The following KLC1 variants were observed in gnomAD, a reference collection of about 807,000 sequenced individuals.
KLC1 encodes kinesin light chain 1.
KLC1 carries 30 observed loss-of-function variants against 84.2 expected under a neutral mutation model. The ratio of observed to expected loss-of-function variants is 0.36; its 90% confidence interval spans 0.27 to 0.48. The LOEUF is 0.48. KLC1 is among the 20% of genes least tolerant of loss of function. The probability of loss-of-function intolerance (pLI) is 0.99; values close to 1 mark genes in which losing one functional copy is unlikely to be tolerated. For missense variants in KLC1, 499 were observed against 805.4 expected, an observed-to-expected ratio of 0.62 and a Z score of 4.60; for synonymous variants, 289 against 293.3, an observed-to-expected ratio of 0.99 and a Z score of 0.15.
intron 2 of KLC1, among the ~76,000 whole-genome samples, chr14:103,655,653 G>A (rs1217348167): frequency 6.6e-6 from 1 of 151,628 alleles, no homozygotes; most frequent in African/African-American, 2.4e-5. Flanking sequence ...TCGCCGCCCA[G>A]GCTGGAGTGC....
At chr14:103,636,661 G>C (rs913387715) in intron 1 of KLC1, among the ~76,000 whole-genome samples, 26 of 152,114 alleles carry the variant, frequency 1.7e-4, no homozygotes, top group Admixed American at 7.9e-4. Flanking sequence ...TAAAGTGTCT[G>C]TTCAAGACTT....
intron 1 of KLC1, among the ~76,000 whole-genome samples, chr14:103,638,828 A>G (rs1449306151): frequency 2.0e-5 from 3 of 151,270 alleles, no homozygotes; most frequent in South Asian, 2.1e-4. Flanking sequence ...GTGTGTATGT[A>G]TGAACATAGG....
At chr14:103,633,967 C>T (rs2076873210) in intron 1 of KLC1, among the ~76,000 whole-genome samples, 1 of 152,144 alleles carries the variant, frequency 6.6e-6, no homozygotes, top group Non-Finnish European at 1.5e-5. Context: ...CTCCCGGGTT[C>T]AAGCCATTCT....
At chr14:103,631,835 G>A (rs2076711308) in intron 1 of KLC1, among the ~76,000 whole-genome samples, 1 of 151,982 alleles carries the variant, frequency 6.6e-6, no homozygotes, top group Non-Finnish European at 1.5e-5. Context: ...CTGACCTCAG[G>A]CGATCCACCC....
chr14:103,631,873 A>G (rs773333849), intron 1 of KLC1, among the ~76,000 whole-genome samples: 1 of 152,076 alleles, frequency 6.6e-6, no homozygotes, highest in Non-Finnish European at 1.5e-5. Context: ...TGCTAGGGTT[A>G]CAGGTGTGAG....
chr14:103,695,864 C>T (rs2082429992), intron 15 of KLC1: 5 of 985,208 alleles, frequency 5.1e-6, no homozygotes, highest in Admixed American at 6.2e-5. Context: ...CAGAGGGAGG[C>T]GGCAAGGGAA....
In KLC1 at chr14:103,694,025, A is replaced by G. The variant is rs1290157540; in HGVS notation, c.1848+1600A>G. On this transcript the variant is annotated intron_variant, in intron 15 of 16. Coordinates refer to ENST00000334553, the MANE Select transcript of KLC1 (RefSeq NM_001394837.1). The surrounding 1 kb of genome is among the most constrained non-coding windows in gnomAD (Gnocchi z 4.5). ...CTGTAAATTAAGAATCTGGAAACAT[A>G]AAGTACCCCTTTCAGAACGATAGGC... 5 of 1,016,824 alleles carry G rather than the reference A, an allele frequency of 4.9e-6. No individual in the cohort carries two copies. The highest frequency in any genetic ancestry group is 4.7e-6 in the Non-Finnish European group (4 of 849,628). 63.0% of individuals were successfully genotyped at this position (1,016,824 alleles called of 1,614,324 possible). A position where few individuals can be genotyped will look rare whatever the true frequency, so the allele number is the denominator to read the frequency against.
chr14:103,699,123 C>G (rs538640569), intron 15 of KLC1: 2 of 1,572,830 alleles, frequency 1.3e-6, no homozygotes, highest in African/African-American at 2.7e-5. Context: ...CACCACATGG[C>G]TGCACTCACC....
chr14:103,633,159 G>A (rs2076810573), intron 1 of KLC1, among the ~76,000 whole-genome samples: 1 of 151,882 alleles, frequency 6.6e-6, no homozygotes, highest in Non-Finnish European at 1.5e-5. Context: ...CCAGGTTCAA[G>A]TGATTCTCCT....
chr14:103,671,312 A>G (rs533833168), intron 7 of KLC1, among the ~76,000 whole-genome samples: 6 of 152,104 alleles, frequency 3.9e-5, no homozygotes, highest in Non-Finnish European at 8.8e-5. Flanking sequence ...GTGTATGACA[A>G]TCTCTTTAGA....
rs1422824608 is a variant in KLC1, at chr14:103,675,680, A to C, written c.1312-9A>C. On this transcript the variant is annotated splice_polypyrimidine_tract_variant and intron_variant, in intron 10 of 16. Transcript: ENST00000334553. ...AATTATTCATTTGAAATTATTTCTT[A>C]TAATTTAGGGAAAGCAAAAGGATGG... 2 of 1,612,396 alleles carry C rather than the reference A, an allele frequency of 1.2e-6. No individual in the cohort carries two copies. The highest frequency in any genetic ancestry group is 2.2e-5 in the South Asian group (2 of 90,886).
At chr14:103,698,904 G>C (rs1360602468) in intron 15 of KLC1, 1 of 1,602,020 alleles carries the variant, frequency 6.2e-7, no homozygotes, top group African/African-American at 1.3e-5. Flanking sequence ...CAGGGTCCGG[G>C]CTGGGCAGCC....
intron 1 of KLC1, among the ~76,000 whole-genome samples, chr14:103,647,664 T>G (rs2151422867): frequency 6.6e-6 from 1 of 151,730 alleles, no homozygotes; most frequent in African/African-American, 2.4e-5. Context: ...GATCCCAAGG[T>G]CAAGAGATCA....
rs3742461 is a variant in KLC1 at position 103,629,348 on chromosome 14, T to C, written c.-148T>C. On this transcript the variant is annotated 5_prime_UTR_variant, in exon 1 of 17. Transcript: ENST00000334553. ...GGTGGCCGAGGATGCTGCGGGGCGG[T>C]AGCTCCGGCGCCCCTAGCTGGTGAC... 2,614 of 152,362 alleles carry C rather than the reference T, an allele frequency of 0.017. 69 individuals carry two copies. Among genetic ancestry groups the C allele is most frequent in the African/African-American group, 0.056 (2,310 of 41,496 alleles). The allele number at this position is 152,362 out of a possible 1,614,324, so 9.4% of individuals were successfully genotyped here.
At chr14:103,675,806 G>T in intron 11 of KLC1, 50 bp downstream of exon 11, 1 of 1,487,262 alleles carries the variant, frequency 6.7e-7, no homozygotes. Flanking sequence ...CAGGGGGAAG[G>T]TAATTGTGTT....
chr14:103,673,808 A>G (rs938585558), intron 9 of KLC1, among the ~76,000 whole-genome samples: 7 of 152,114 alleles, frequency 4.6e-5, no homozygotes, highest in Admixed American at 4.6e-4. Context: ...CTGTAGTCCC[A>G]GCTACTCGGG....
intron 13 of KLC1, chr14:103,682,764 A>G (rs1475832044): frequency 6.7e-6 from 1 of 149,372 alleles, no homozygotes; most frequent in African/African-American, 2.5e-5. Flanking sequence ...ATATATATAT[A>G]TGTATATGTA....
intron 1 of KLC1, among the ~76,000 whole-genome samples, chr14:103,649,721 A>T (rs1173063321): frequency 6.8e-6 from 1 of 148,030 alleles, no homozygotes; most frequent in Non-Finnish European, 1.5e-5. Flanking sequence ...TTCGAGACGG[A>T]GTCTCGCTCT....
intron 14 of KLC1, among the ~76,000 whole-genome samples, chr14:103,691,501 C>T (rs1290719175): frequency 8.3e-6 from 1 of 120,134 alleles, no homozygotes; most frequent in Non-Finnish European, 1.6e-5. Context: ...GGTGGAGTCT[C>T]ACTCTTGCGT....
Sources: gnomAD v4.1 joint callset for allele counts (sites outside exome capture counted in the v4.1 genomes callset) on GRCh38, gnomAD v4.1.1 for gene constraint, Gnocchi (gnomAD v3.1) non-coding constraint, MANE v1.5 for transcripts, NCBI Gene and HGNC (gene_info 2026-07-23, HGNC 2026-07-21) for gene names.